SVOP: variants seen among roughly 807,000 people sequenced by gnomAD.
The protein encoded by SVOP is SV2 related protein, also known as synaptic vesicle 2-related protein.
SVOP carries 17 observed loss-of-function variants against 69.1 expected under a neutral mutation model. The ratio of observed to expected loss-of-function variants is 0.25; its 90% CI spans 0.17 to 0.37. SVOP has a LOEUF of 0.37. SVOP is among the 10% of genes least tolerant of loss of function. SVOP has a pLI of 1.00. For synonymous variants in SVOP, 238 were observed against 238.6 expected (o/e 1.00, Z 0.02); for missense variants, 435 against 597.5 (o/e 0.73, Z 2.84).
At position 108,952,292 on chromosome 12, in the gene SVOP, T is replaced by A. The variant is rs36165885; in HGVS notation, c.579-7126A>T. ...CTCTGTTCCCCAGGCTGGAGTGTAG[T>A]GGTACGATCTTGGCTCACCGCAACC... On this transcript the variant is annotated intron_variant, in intron 6 of 15. Transcript: ENST00000610966. Among the ~76,000 whole-genome samples, 6 of 142,414 alleles carry A rather than the reference T, an allele frequency of 4.2e-5. No homozygotes were observed. In the South Asian group the frequency reaches 9.2e-4, roughly 22 times the overall value. The allele number at this position is 142,414 out of a possible 152,430, so 93.4% of individuals were successfully genotyped here.
At chr12:108,964,619 ACCCTGTGTAAG>A (rs1344478251) in intron 5 of SVOP, among the ~76,000 whole-genome samples, 1 of 152,120 alleles carries the variant, frequency 6.6e-6, no homozygotes, top group African/African-American at 2.4e-5. Context: ...GGGCTCAGCA[ACCCTGTGTAAG>A]GCCTGTCATG....
rs566143845 is a variant in SVOP, at chr12:108,911,160, C to T, written c.*1375G>A. On this transcript the variant is annotated 3_prime_UTR_variant, in exon 16 of 16. Transcript: ENST00000610966. ...CATTTCACACACCTGAGTCCTCCCA[C>T]CCCTCTCCACTCCACGGCAGGCTCC... The T allele has an allele frequency of 6.6e-6, 1 of 152,396 alleles. No homozygotes were observed. The highest frequency in any genetic ancestry group is 6.5e-5 in the Admixed American group (1 of 15,282). The allele number at this position is 152,396 out of a possible 1,614,324, so 9.4% of individuals were successfully genotyped here.
In SVOP at chr12:108,912,703, A is replaced by C. The variant is rs773008373; in HGVS notation, c.1479T>G (p.Val493=). The change falls in exon 16 of 16, where the codon GTT becomes GTG. Residue 493 remains valine (V), a synonymous_variant. Coordinates refer to ENST00000610966, the MANE Select transcript of SVOP (RefSeq NM_018711.5). ...CAGCCAGGAGGCAGCAGCCACTGTA[A>C]ACTGCCAGAGTCAGGTACACAGAGG... ...LESSVYLTLA[V]YSGCCLLAAL... is the part of the protein sequence containing the mutation. 1.2e-6 allele frequency: 2 copies of C among 1,613,962 alleles called. No homozygotes were observed. The highest frequency in any genetic ancestry group is 2.2e-5 in the South Asian group (2 of 91,090).
intron 11 of SVOP, among the ~76,000 whole-genome samples, chr12:108,924,701 A>G (rs1418928345): frequency 1.3e-5 from 2 of 152,176 alleles, no homozygotes; most frequent in Non-Finnish European, 2.9e-5. Flanking sequence ...GAACTTAATA[A>G]ACAGGAAGGT....
chr12:108,974,423 C>A (rs963949557), intron 4 of SVOP, among the ~76,000 whole-genome samples: 1 of 152,136 alleles, frequency 6.6e-6, no homozygotes, highest in Admixed American at 6.6e-5. Flanking sequence ...TTAGAGCCTT[C>A]TCATCTCAGA....
At position 108,908,229 on chromosome 12, in the gene SVOP, G is replaced by A. The variant is rs1440972896; in HGVS notation, c.*4306C>T. ...GAAAAGGGAAGAAACAAGAGCCACA[G>A]ATTCAGAGGGGCAGCTGTCTTGGGC... On this transcript the variant is annotated 3_prime_UTR_variant, in exon 16 of 16. Coordinates refer to ENST00000610966, the MANE Select transcript of SVOP (RefSeq NM_018711.5). 6.6e-6 allele frequency: 1 copy of A among 152,272 alleles called. No individual in the cohort carries two copies. Among genetic ancestry groups the A allele is most frequent in the African/African-American group, 2.4e-5 (1 of 41,466 alleles). The allele number at this position is 152,272 out of a possible 1,614,324, so 9.4% of individuals were successfully genotyped here. A position where few individuals can be genotyped will look rare whatever the true frequency, so the allele number is the denominator to read the frequency against.
At chr12:108,993,663 C>T (rs1171621094) in intron 1 of SVOP, among the ~76,000 whole-genome samples, 2 of 152,132 alleles carry the variant, frequency 1.3e-5, no homozygotes, top group South Asian at 2.1e-4. Context: ...AAACTGGGTG[C>T]TGTGAAAGGC....
intron 1 of SVOP, among the ~76,000 whole-genome samples, chr12:108,985,247 A>T (rs2040160371): frequency 6.6e-6 from 1 of 151,836 alleles, no homozygotes; most frequent in African/African-American, 2.4e-5. Context: ...AGAAAGAAAC[A>T]AAGAAAAGAA....
At chr12:109,019,422 A>G (rs188026669) in intron 1 of SVOP, among the ~76,000 whole-genome samples, 1 of 152,338 alleles carries the variant, frequency 6.6e-6, no homozygotes, top group Non-Finnish European at 1.5e-5. Flanking sequence ...GACATTATTG[A>G]AAAATTTATC....
chr12:109,008,924 GTTAT>G (rs1486067778), intron 1 of SVOP, among the ~76,000 whole-genome samples: 2 of 148,694 alleles, frequency 1.3e-5, no homozygotes, highest in Admixed American at 6.7e-5. Context: ...TTCAGGGTTG[GTTAT>G]TTGTCTTTGT....
intron 11 of SVOP, among the ~76,000 whole-genome samples, chr12:108,927,139 A>G (rs911030223): frequency 5.3e-5 from 8 of 152,024 alleles, no homozygotes; most frequent in Admixed American, 3.3e-4. Context: ...TCTTCATGTT[A>G]CCCTGGGGGA....
chr12:108,949,723 A>G (rs1211929204), intron 6 of SVOP, among the ~76,000 whole-genome samples: 3 of 145,224 alleles, frequency 2.1e-5, no homozygotes, highest in African/African-American at 7.7e-5. Flanking sequence ...CTTAACATAC[A>G]CAGCACACTG....
At chr12:108,916,017 G>T in intron 14 of SVOP, 145 bp from the exon 15 acceptor site, 1 of 723,970 alleles carries the variant, frequency 1.4e-6, no homozygotes, top group Non-Finnish European at 2.1e-6. Flanking sequence ...AAGGGACAGG[G>T]ATCCTCACCC....
chr12:108,930,325 T>C (rs2039808794), intron 11 of SVOP, among the ~76,000 whole-genome samples: 1 of 152,086 alleles, frequency 6.6e-6, no homozygotes, highest in Admixed American at 6.6e-5. Context: ...TTTAAAGGTT[T>C]ATGGACAGAA....
intron 1 of SVOP, among the ~76,000 whole-genome samples, chr12:109,011,977 T>C (rs2040344075): frequency 6.6e-6 from 1 of 151,868 alleles, no homozygotes; most frequent in South Asian, 2.1e-4. Context: ...AGGGAGTTGC[T>C]GCAGGTAAAA....
chr12:108,998,994 C>T (rs2040252743), intron 1 of SVOP, among the ~76,000 whole-genome samples: 1 of 143,838 alleles, frequency 7.0e-6, no homozygotes. Context: ...ACTAAATTCT[C>T]CAATTAAAAG....
chr12:109,007,248 A>G (rs1172063009), intron 1 of SVOP, among the ~76,000 whole-genome samples: 1 of 152,192 alleles, frequency 6.6e-6, no homozygotes, highest in African/African-American at 2.4e-5. Flanking sequence ...AAACTTATCA[A>G]CAAATGGAGT....
chr12:108,975,822 CT>C (rs1177028660), intron 4 of SVOP, among the ~76,000 whole-genome samples: 6 of 152,070 alleles, frequency 3.9e-5, no homozygotes, highest in African/African-American at 1.2e-4. Context: ...CTGCCTCAGC[CT>C]TCTGAGTAGC....
intron 1 of SVOP, among the ~76,000 whole-genome samples, chr12:108,994,102 C>T (rs1419085577): frequency 6.6e-6 from 1 of 152,190 alleles, no homozygotes; most frequent in East Asian, 1.9e-4. Context: ...TGATAGCTTT[C>T]ACAATGTTTA....
Sources: gnomAD v4.1 joint callset for allele counts (sites outside exome capture counted in the v4.1 genomes callset) on GRCh38, gnomAD v4.1.1 for gene constraint, MANE v1.5 for transcripts, NCBI Gene and HGNC (gene_info 2026-07-23, HGNC 2026-07-21) for gene names.